ERN2: variants seen among roughly 807,000 people sequenced by gnomAD.
ERN2 encodes the protein serine/threonine-protein kinase/endoribonuclease IRE2.
Under a neutral mutation model 107.9 loss-of-function variants are expected in ERN2, and 111 were observed. The ratio of observed to expected loss-of-function variants is 1.03; its 90% CI spans 0.88 to 1.20. ERN2 has a LOEUF of 1.20. ERN2 is among the 50% of genes most tolerant of loss of function. The probability of loss-of-function intolerance (pLI) is 0.00; values close to 1 mark genes in which losing one functional copy is unlikely to be tolerated. For missense variants in ERN2, 1,225 were observed against 1,197.9 expected (o/e 1.02, Z -0.33); for synonymous variants, 524 against 501.7 (o/e 1.04, Z -0.59).
At position 23,690,667 on chromosome 16, in the gene ERN2, G is replaced by A. The variant is rs1959546625; in HGVS notation, c.*164C>T. On this transcript the variant is annotated 3_prime_UTR_variant, in exon 22 of 22. Transcript: ENST00000256797. ...AATGGGGTGTTGCCATGTTGGCCAG[G>A]CTGGTCTCGAACTCCTGAGCTCAAG... 3.2e-6 allele frequency: 2 copies of A among 629,944 alleles called. No individual in the cohort carries two copies. Among genetic ancestry groups the A allele is most frequent in the East Asian group, 5.5e-5 (2 of 36,386 alleles). The allele number at this position is 629,944 out of a possible 1,614,324, so 39.0% of individuals were successfully genotyped here.
Position 23,713,191 on chromosome 16 carries a change from G to T in ERN2, c.-4C>A, listed in dbSNP as rs533772256. Reference sequence around the variant, plus strand: ...ACCCCCTGACCGCACTCGCCATAGCGCCTGGGCAGCTGCACGGCTGGCCAG... The same window carrying T: ...ACCCCCTGACCGCACTCGCCATAGCTCCTGGGCAGCTGCACGGCTGGCCAG... On this transcript the variant is annotated 5_prime_UTR_variant, in exon 1 of 22. Transcript: ENST00000256797. The T allele has an allele frequency of 6.3e-6, 10 of 1,578,838 alleles. No individual in the cohort carries two copies. The highest frequency in any genetic ancestry group is 1.7e-4 in the Middle Eastern group (1 of 5,956).
At chr16:23,711,893 G>A (rs1567256585) in intron 1 of ERN2, 2 of 210,930 alleles carry the variant, frequency 9.5e-6, no homozygotes, top group African/African-American at 2.4e-5. Context: ...GCTGGTTTTG[G>A]TGCCAGGCTC....
At chr16:23,707,182 T>C in intron 4 of ERN2, 103 bp from the exon 5 acceptor site, 1 of 824,836 alleles carries the variant, frequency 1.2e-6, no homozygotes, top group Non-Finnish European at 2.1e-6. Context: ...CAGGTATTAC[T>C]ATCATTTCCA....
Position 23,705,026 on chromosome 16 carries a change from C to G in ERN2, c.711G>C (p.Gln237His), listed in dbSNP as rs1358042544. 6.2e-7 allele frequency: 1 copy of G among 1,613,966 alleles called. No homozygotes were observed. The highest frequency in any genetic ancestry group is 8.5e-7 in the Non-Finnish European group (1 of 1,180,028). ...GATGCGGCAGCTGGCGCAGGCCGTCCTGGTGCCAGGTGTAGACGCCCATCA... is the reference window on the plus strand; with the variant it reads ...GATGCGGCAGCTGGCGCAGGCCGTCGTGGTGCCAGGTGTAGACGCCCATCA... Reference protein sequence around the residue: ...VPVMGVYTWHQDGLRQLPHLT... With the variant: ...VPVMGVYTWHHDGLRQLPHLT... The change falls in exon 8 of 22, where the codon CAG becomes CAC. Residue 237 changes from glutamine to histidine, a missense_variant. Physicochemically the swap from Gln to His is conservative, Grantham distance 24. Transcript: ENST00000256797.
At chr16:23,710,124 A>T in intron 4 of ERN2, 48 bp downstream of exon 4, 2 of 1,328,950 alleles carry the variant, frequency 1.5e-6, no homozygotes, top group South Asian at 2.4e-5. Context: ...GCTCCAGCTG[A>T]CGAAAGCCCT....
At position 23,701,089 on chromosome 16, in the gene ERN2, AG is replaced by A; in HGVS notation, c.1228del (p.Leu410PhefsTer41). ...TTCTGGATGCAGCTCGGAGTCCCAAAGTTTCTCTCGGCTCAGGCTCAATAGC... is the reference window on the plus strand; with the variant it reads ...TTCTGGATGCAGCTCGGAGTCCCAAATTTCTCTCGGCTCAGGCTCAATAGC... Reference protein sequence around the residue: ...LELLSLSREKLWDSELHPEEK... With the variant: ...LELLSLSREKXWDSELHPEEK... On this transcript the variant is annotated frameshift_variant, in exon 12 of 22. Transcript: ENST00000256797. LOFTEE classifies it high-confidence loss of function. 6.2e-7 allele frequency: 1 copy of A among 1,614,122 alleles called. No homozygotes were observed. Among genetic ancestry groups the A allele is most frequent in the Non-Finnish European group, 8.5e-7 (1 of 1,179,984 alleles).
At position 23,706,344 on chromosome 16, in the gene ERN2, C is replaced by T; in HGVS notation, c.575G>A (p.Gly192Asp). The T allele has an allele frequency of 1.3e-6, 2 of 1,538,220 alleles. No homozygotes were observed. The highest frequency in any genetic ancestry group is 1.3e-5 in the South Asian group (1 of 79,316). ...YRRYSAPPMD[G>D]SPGKYMSHLA... ...GTGGAACTCACATTTCCCAGGTGAGCCATCCATGGGGGGCGCTGAGTAGCG... is the reference window on the plus strand; with the variant it reads ...GTGGAACTCACATTTCCCAGGTGAGTCATCCATGGGGGGCGCTGAGTAGCG... Residue 192 changes from glycine to aspartate, a missense_variant, in exon 7 of 22, where the codon GGC (glycine) becomes GAC (aspartate). Coordinates refer to ENST00000256797, the MANE Select transcript of ERN2 (RefSeq NM_033266.4).
At chr16:23,701,169 A>G in intron 11 of ERN2, 55 bp from the exon 12 acceptor site, 6 of 1,567,944 alleles carry the variant, frequency 3.8e-6, no homozygotes, top group Non-Finnish European at 5.2e-6. Context: ...GGAACCCCTA[A>G]CTTTTCTTCA....
At chr16:23,704,773 T>C in intron 8 of ERN2, 110 bp downstream of exon 8, 1 of 1,218,038 alleles carries the variant, frequency 8.2e-7, no homozygotes, top group Non-Finnish European at 1.2e-6. Context: ...TTTTGACCCC[T>C]GGTTCAGCGG....
At chr16:23,693,207 T>G (rs1024726851) in intron 17 of ERN2, among the ~76,000 whole-genome samples, 1 of 151,810 alleles carries the variant, frequency 6.6e-6, no homozygotes, top group African/African-American at 2.4e-5. Context: ...GGTGAGAGGA[T>G]CCCTTGAGCC....
chr16:23,690,508 G>C lies in ERN2; in HGVS notation c.*323C>G, dbSNP rs1407786354. ...GTCTCTCTGTGGACCAGGCTGGAGT[G>C]CAGTGGCATGATCCTGGCTCACTGC... is the stretch of plus-strand genomic sequence containing the variant. On this transcript the variant is annotated 3_prime_UTR_variant, in exon 22 of 22. Coordinates refer to ENST00000256797, the MANE Select transcript of ERN2 (RefSeq NM_033266.4). 2 of 474,182 alleles carry C rather than the reference G, an allele frequency of 4.2e-6. No homozygotes were observed. The highest frequency in any genetic ancestry group is 3.9e-5 in the African/African-American group (2 of 51,532). 29.4% of individuals were successfully genotyped at this position (474,182 alleles called of 1,614,324 possible). A position where few individuals can be genotyped will look rare whatever the true frequency, so the allele number is the denominator to read the frequency against.
In ERN2 at chr16:23,700,950, T is replaced by G; in HGVS notation, c.1359+9A>C. On this transcript the variant is annotated intron_variant, in intron 12 of 21. Coordinates refer to ENST00000256797, the MANE Select transcript of ERN2 (RefSeq NM_033266.4). ...CCAGATAGACCTGAGGTCAGGGCGG[T>G]GGGCCTACCTGCCTCATCACAAAGA... 3.1e-6 allele frequency: 5 copies of G among 1,612,926 alleles called. No individual in the cohort carries two copies. Among genetic ancestry groups the G allele is most frequent in the Non-Finnish European group, 4.2e-6 (5 of 1,179,474 alleles).
rs763158771 is a variant in ERN2 at position 23,695,030 on chromosome 16, G to A, written c.1889C>T (p.Ser630Phe). Residue 630 changes from serine to phenylalanine, a missense_variant, in exon 16 of 22, where the codon TCT becomes TTT. Physicochemically the swap from Ser to Phe is radical, Grantham distance 155 (BLOSUM62 -2). Transcript: ENST00000256797. ...GGAAGTGCGGGTACCTATGTGTAAA[G>A]AGTGCAGGTGGGCCAGGCCAGACAT... ...QLMSGLAHLH[S>F]LHIVHRDLKP... 6 of 1,613,572 alleles carry A rather than the reference G, an allele frequency of 3.7e-6. No homozygotes were observed. Among genetic ancestry groups the A allele is most frequent in the Non-Finnish European group, 5.1e-6 (6 of 1,179,752 alleles).
rs755371715 is a variant in ERN2, at chr16:23,702,375, G to A, written c.1081+15C>T. The A allele has an allele frequency of 3.1e-6, 5 of 1,611,436 alleles. No homozygotes were observed. The Middle Eastern group carries it at 4.9e-4, about 159-fold the overall frequency. On this transcript the variant is annotated intron_variant, in intron 10 of 21. Coordinates refer to ENST00000256797, the MANE Select transcript of ERN2 (RefSeq NM_033266.4). ...TTATCTTCATCTACTCCCAATTTGA[G>A]CCAGAGGATCTCACCAATGAGCAGC... is the stretch of plus-strand genomic sequence containing the variant.
chr16:23,690,403 G>T lies in ERN2; in HGVS notation c.*428C>A, dbSNP rs922692706. ...ATTTCCTGAGGGGTGCCAGGGCCTG[G>T]GATCCAGCGAACATCTCTGCTTCAT... On this transcript the variant is annotated 3_prime_UTR_variant, in exon 22 of 22. Coordinates refer to ENST00000256797, the MANE Select transcript of ERN2 (RefSeq NM_033266.4). The T allele has an allele frequency of 2.2e-6, 1 of 463,720 alleles. No homozygotes were observed. The highest frequency in any genetic ancestry group is 3.9e-6 in the Non-Finnish European group (1 of 253,926). 28.7% of individuals were successfully genotyped at this position (463,720 alleles called of 1,614,324 possible). A position where few individuals can be genotyped will look rare whatever the true frequency, so the allele number is the denominator to read the frequency against.
intron 1 of ERN2, chr16:23,712,844 G>A: frequency 4.1e-6 from 2 of 484,310 alleles, no homozygotes; most frequent in Non-Finnish European, 7.2e-6. Flanking sequence ...CTGCTGAAGA[G>A]GCGGGGTGCT....
At chr16:23,700,790 C>G (rs899071616) in intron 12 of ERN2, 86 bp from the exon 13 acceptor site, 51 of 1,506,830 alleles carry the variant, frequency 3.4e-5, no homozygotes, top group Admixed American at 4.0e-5. Context: ...GATGGCCTCA[C>G]CAGACTGCAT....
chr16:23,696,107 G>A, intron 13 of ERN2, 129 bp from the exon 14 acceptor site: 1 of 680,288 alleles, frequency 1.5e-6, no homozygotes, highest in South Asian at 1.7e-5. Flanking sequence ...CAGTGGGTAA[G>A]AGCAAGGGCC....
At chr16:23,695,159 G>T (rs528801118) in intron 15 of ERN2, 41 bp from the exon 16 acceptor site, 1 of 1,613,598 alleles carries the variant, frequency 6.2e-7, no homozygotes. Flanking sequence ...CTCCAGCCCG[G>T]ACCTTCCCAC....
Sources: allele counts gnomAD v4.1 joint callset (sites outside exome capture counted in the v4.1 genomes callset), GRCh38; gene constraint gnomAD v4.1.1; transcripts MANE v1.5; gene names NCBI Gene and HGNC (gene_info 2026-07-23, HGNC 2026-07-21).